Variants in PDS5B observed in about 807,000 individuals in gnomAD.
The protein encoded by PDS5B is PDS5 cohesin associated factor B.
A neutral mutation model predicts 184.1 loss-of-function variants in PDS5B; 51 were observed. The ratio of observed to expected loss-of-function variants is 0.28; its 90% CI spans 0.22 to 0.35. The LOEUF is 0.35. Ranked by LOEUF, PDS5B falls within the 10% of genes least tolerant of loss-of-function variation. PDS5B has a pLI of 1.00. For missense variants in PDS5B, 1,180 were observed against 1,723.3 expected, an observed-to-expected ratio of 0.68 and a Z score of 5.58; for synonymous variants, 566 against 569.2, an observed-to-expected ratio of 0.99 and a Z score of 0.08.
chr13:32,759,596 T>A, intron 28 of PDS5B, 32 bp from the exon 29 acceptor site: 1 of 1,223,428 alleles, frequency 8.2e-7, no homozygotes, highest in Non-Finnish European at 1.2e-6. Flanking sequence ...GTTTTAATAT[T>A]CACTGACTAC....
intron 1 of PDS5B, among the ~76,000 whole-genome samples, chr13:32,639,106 A>G (rs2058615248): frequency 1.3e-5 from 2 of 150,960 alleles, no homozygotes; most frequent in Non-Finnish European, 3.0e-5. Flanking sequence ...CACTCAATAA[A>G]TGAGAGATAT....
intron 1 of PDS5B, among the ~76,000 whole-genome samples, chr13:32,609,760 A>C (rs2058112780): frequency 6.6e-6 from 1 of 152,198 alleles, no homozygotes; most frequent in Admixed American, 6.6e-5. Context: ...TTTGTTGGTC[A>C]TGAAGAGTCC....
At chr13:32,711,754 T>C (rs1444878817) in intron 19 of PDS5B, among the ~76,000 whole-genome samples, 4 of 152,156 alleles carry the variant, frequency 2.6e-5, no homozygotes, top group Admixed American at 2.0e-4. Context: ...TTTGGTTGTA[T>C]GTATGTGTAT....
chr13:32,614,897 ATTAT>A (rs1460043449), intron 1 of PDS5B, among the ~76,000 whole-genome samples: 10 of 152,260 alleles, frequency 6.6e-5, no homozygotes, highest in African/African-American at 2.2e-4. Flanking sequence ...TGAGACTATT[ATTAT>A]TTAAAGTTCT....
intron 1 of PDS5B, among the ~76,000 whole-genome samples, chr13:32,606,251 C>A (rs1165254295): frequency 1.3e-5 from 2 of 152,116 alleles, no homozygotes; most frequent in African/African-American, 4.8e-5. Flanking sequence ...AGCTCTTGTA[C>A]GGCAGGCCTG....
chr13:32,651,792 AT>A lies in PDS5B; in HGVS notation c.109-7del, dbSNP rs1485100921. On this transcript the variant is annotated splice_polypyrimidine_tract_variant and intron_variant, in intron 2 of 34. Coordinates refer to ENST00000315596, the MANE Select transcript of PDS5B (RefSeq NM_015032.4). ...GGAGCATTTCATTATTTGATTTTTT[AT>A]TTTTGTATAGATGGTTGTGAAAACT... The A allele has an allele frequency of 6.5e-7, 1 of 1,530,900 alleles. No individual in the cohort carries two copies. The highest frequency in any genetic ancestry group is 1.4e-5 in the African/African-American group (1 of 72,646). The allele number at this position is 1,530,900 out of a possible 1,614,324, so 94.8% of individuals were successfully genotyped here.
chr13:32,764,233 C>T (rs1954510068), intron 30 of PDS5B, among the ~76,000 whole-genome samples: 1 of 151,804 alleles, frequency 6.6e-6, no homozygotes, highest in Non-Finnish European at 1.5e-5. Flanking sequence ...GATCTGACCC[C>T]AAAATAGAAT....
chr13:32,669,821 G>T (rs1950887810), intron 7 of PDS5B, among the ~76,000 whole-genome samples: 4 of 152,092 alleles, frequency 2.6e-5, no homozygotes. Flanking sequence ...CTTATTTGAA[G>T]GTTAGCTAGA....
chr13:32,693,291 A>C (rs929577881), intron 13 of PDS5B, among the ~76,000 whole-genome samples: 1 of 151,942 alleles, frequency 6.6e-6, no homozygotes, highest in Admixed American at 6.6e-5. Flanking sequence ...AAAATGTCCT[A>C]ATAATGTTGC....
intron 17 of PDS5B, among the ~76,000 whole-genome samples, chr13:32,702,121 T>A (rs147623761): frequency 5.4e-4 from 82 of 152,276 alleles, no homozygotes; most frequent in African/African-American, 1.9e-3. Context: ...TAGTGTTCTT[T>A]GAGGGGTATA....
chr13:32,660,779 A>G (rs534847747), intron 6 of PDS5B, among the ~76,000 whole-genome samples: 3 of 152,272 alleles, frequency 2.0e-5, no homozygotes, highest in East Asian at 3.9e-4. Context: ...TCCAGAAACT[A>G]GAATCATAGG....
rs532844141 is a variant in PDS5B at position 32,770,842 on chromosome 13, G to A, written c.4172+81G>A. 10 of 1,023,804 alleles carry A rather than the reference G, an allele frequency of 9.8e-6. 1 individual carries two copies. In the South Asian group the frequency reaches 1.3e-4, roughly 13 times the overall value. 63.4% of individuals were successfully genotyped at this position (1,023,804 alleles called of 1,614,324 possible). On this transcript the variant is annotated intron_variant, in intron 33 of 34. Coordinates refer to ENST00000315596, the MANE Select transcript of PDS5B (RefSeq NM_015032.4). Reference sequence around the variant, plus strand: ...TAAATTTGTAAACATACATATTGCTGTATTTAAATTCCATATATTTAGCCC... The same window carrying A: ...TAAATTTGTAAACATACATATTGCTATATTTAAATTCCATATATTTAGCCC...
chr13:32,735,413 T>C (rs1953297220), intron 21 of PDS5B, 83 bp downstream of exon 21: 4 of 898,596 alleles, frequency 4.5e-6, no homozygotes, highest in Admixed American at 2.8e-5. Flanking sequence ...TGAAATGATA[T>C]CAATAATACT....
At chr13:32,587,351 C>T (rs926971694) in intron 1 of PDS5B, among the ~76,000 whole-genome samples, 7 of 152,164 alleles carry the variant, frequency 4.6e-5, no homozygotes, top group South Asian at 2.1e-4. Flanking sequence ...TGGAGGGACT[C>T]CTCCCAGGCC....
chr13:32,619,536 T>C (rs1179964146), intron 1 of PDS5B, among the ~76,000 whole-genome samples: 2 of 152,212 alleles, frequency 1.3e-5, no homozygotes, highest in Non-Finnish European at 2.9e-5. Flanking sequence ...GAGTGAGTGG[T>C]GAGCGAATGT....
At chr13:32,703,127 T>C (rs1394473243) in intron 17 of PDS5B, among the ~76,000 whole-genome samples, 1 of 152,116 alleles carries the variant, frequency 6.6e-6, no homozygotes, top group Non-Finnish European at 1.5e-5. Context: ...TTGTGCTTCC[T>C]ACTTGTACAT....
At chr13:32,673,058 T>G (rs1950978149) in intron 7 of PDS5B, among the ~76,000 whole-genome samples, 158 bp from the exon 8 acceptor site, 1 of 152,256 alleles carries the variant, frequency 6.6e-6, no homozygotes, top group Non-Finnish European at 1.5e-5. Context: ...ATCTTTCATG[T>G]AGCCTATATT....
chr13:32,741,804 A>T (rs1953568328), intron 22 of PDS5B, among the ~76,000 whole-genome samples: 1 of 151,258 alleles, frequency 6.6e-6, no homozygotes, highest in Non-Finnish European at 1.5e-5. Flanking sequence ...AGGTTATGAT[A>T]CTAGTTTTGC....
At chr13:32,642,260 T>A (rs1335576747) in intron 1 of PDS5B, among the ~76,000 whole-genome samples, 1 of 152,202 alleles carries the variant, frequency 6.6e-6, no homozygotes, top group African/African-American at 2.4e-5. Flanking sequence ...CATTCATTAT[T>A]TCCTGAGTGC....
Sources: gnomAD v4.1 joint callset for allele counts (sites outside exome capture counted in the v4.1 genomes callset) on GRCh38, gnomAD v4.1.1 for gene constraint, MANE v1.5 for transcripts, NCBI Gene and HGNC (gene_info 2026-07-23, HGNC 2026-07-21) for gene names.